The following ACYP2 variants were observed in gnomAD, a reference collection of about 807,000 sequenced individuals.
ACYP2 encodes the protein acylphosphatase-2.
A neutral mutation model predicts 11.2 loss-of-function variants in ACYP2; 12 were observed. The ratio of observed to expected loss-of-function variants is 1.08; its 90% CI spans 0.69 to 1.74. The LOEUF (loss-of-function observed/expected upper bound fraction) is 1.74, where lower values mean the gene tolerates loss of function less well. ACYP2 is among the 40% of genes most tolerant of loss of function. The probability of loss-of-function intolerance (pLI) is 0.00; values close to 1 mark genes in which losing one functional copy is unlikely to be tolerated. For missense variants in ACYP2, 134 were observed against 101.9 expected, an observed-to-expected ratio of 1.31 and a Z score of -1.35; for synonymous variants, 43 against 32.2, an observed-to-expected ratio of 1.33 and a Z score of -1.13.
At chr2:54,208,097 C>A (rs1434244858) in intron 6 of ACYP2, among the ~76,000 whole-genome samples, 1 of 152,034 alleles carries the variant, frequency 6.6e-6, no homozygotes, top group African/African-American at 2.4e-5. Context: ...GTTCATCTGA[C>A]CCTCAAGATC....
rs369464268 is a variant in ACYP2, at chr2:54,158,784, G to C, written c.404+20036G>C. 4.1e-4 allele frequency among the ~76,000 whole-genome samples: 63 copies of C among 152,214 alleles called. No individual in the cohort carries two copies. In the East Asian group the frequency reaches 4.4e-3, roughly 11 times the overall value. ...TTTGCTCTCTTCTGTGCTTTTGTAAGTAAAAAAATTGTATTGATTTAAGTA... is the reference window on the plus strand; with the variant it reads ...TTTGCTCTCTTCTGTGCTTTTGTAACTAAAAAAATTGTATTGATTTAAGTA... On this transcript the variant is annotated intron_variant, in intron 6 of 6. Coordinates refer to ENST00000607452, the MANE Select transcript of ACYP2 (RefSeq NM_001320586.2).
At chr2:54,158,182 C>T (rs146018239) in intron 6 of ACYP2, among the ~76,000 whole-genome samples, 130 of 147,774 alleles carry the variant, frequency 8.8e-4, no homozygotes, top group African/African-American at 2.9e-3. Context: ...CCCACCACCA[C>T]GCCCAGTTAA....
At chr2:54,131,394 GTTGAAAGGA>G (rs2103766326) in intron 4 of ACYP2, among the ~76,000 whole-genome samples, 1 of 152,314 alleles carries the variant, frequency 6.6e-6, no homozygotes, top group African/African-American at 2.4e-5. Context: ...ATTCGTAAAT[GTTGAAAGGA>G]CGTTGCTCTT....
At chr2:54,038,712 T>TATAC (rs1675048914) in intron 2 of ACYP2, among the ~76,000 whole-genome samples, 1 of 105,982 alleles carries the variant, frequency 9.4e-6, no homozygotes, top group African/African-American at 3.5e-5. Flanking sequence ...TATATATATA[T>TATAC]ACTCTTCTAA....
chr2:54,209,229 G>A (rs1405724094), intron 6 of ACYP2, among the ~76,000 whole-genome samples: 1 of 152,046 alleles, frequency 6.6e-6, no homozygotes, highest in Non-Finnish European at 1.5e-5. Flanking sequence ...GCTGTTTAAT[G>A]TACTGCTTAT....
intron 2 of ACYP2, among the ~76,000 whole-genome samples, chr2:53,988,243 A>T (rs894316851): frequency 6.6e-6 from 1 of 152,084 alleles, no homozygotes; most frequent in Admixed American, 6.6e-5. Flanking sequence ...CACTTTGCCT[A>T]GTCCTAGATT....
At chr2:54,118,417 T>C (rs1003310411) in intron 4 of ACYP2, among the ~76,000 whole-genome samples, 2 of 152,244 alleles carry the variant, frequency 1.3e-5, no homozygotes, top group Non-Finnish European at 2.9e-5. Flanking sequence ...CATTTCACTG[T>C]TGTTTACTTA....
At chr2:53,988,257 A>G (rs533599275) in intron 2 of ACYP2, among the ~76,000 whole-genome samples, 2 of 152,208 alleles carry the variant, frequency 1.3e-5, no homozygotes, top group South Asian at 4.1e-4. Context: ...CTAGATTCCA[A>G]AGTTCTTTTT....
At chr2:54,204,246 C>T (rs1370568871) in intron 6 of ACYP2, among the ~76,000 whole-genome samples, 1 of 152,070 alleles carries the variant, frequency 6.6e-6, no homozygotes, top group East Asian at 1.9e-4. Flanking sequence ...TTCCGCCCAC[C>T]TCGGCCAAAG....
At chr2:54,166,208 G>C (rs1056126726) in intron 6 of ACYP2, among the ~76,000 whole-genome samples, 1 of 152,186 alleles carries the variant, frequency 6.6e-6, no homozygotes, top group Non-Finnish European at 1.5e-5. Flanking sequence ...GGGCCATGTA[G>C]TCTTTGATAC....
At chr2:54,201,670 CTT>C (rs1463060609) in intron 6 of ACYP2, among the ~76,000 whole-genome samples, 13 of 103,666 alleles carry the variant, frequency 1.3e-4, no homozygotes, top group Non-Finnish European at 1.6e-4. Context: ...TTCTTTCTTT[CTT>C]TCTTTCTTTC....
At chr2:54,141,751 T>C (rs919151479) in intron 6 of ACYP2, 30 of 438,498 alleles carry the variant, frequency 6.8e-5, no homozygotes, top group African/African-American at 9.7e-5. Context: ...AAGATACTTT[T>C]ACCTATTTAA....
rs535688805 is a variant in ACYP2 at position 54,046,734 on chromosome 2, C to T, written c.63-4224C>T. 5.3e-5 allele frequency among the ~76,000 whole-genome samples: 8 copies of T among 152,268 alleles called. No homozygotes were observed. The South Asian group carries it at 1.2e-3, about 24-fold the overall frequency. Reference sequence around the variant, plus strand: ...AGGGCCCTGTGCTTAGAAGGGCTTGCACCCGTTGGTTCAATGCCTCACTAT... The same window carrying T: ...AGGGCCCTGTGCTTAGAAGGGCTTGTACCCGTTGGTTCAATGCCTCACTAT... On this transcript the variant is annotated intron_variant, in intron 2 of 6. Transcript: ENST00000607452.
At chr2:54,209,404 A>G (rs374359624) in intron 6 of ACYP2, among the ~76,000 whole-genome samples, 3 of 152,288 alleles carry the variant, frequency 2.0e-5, no homozygotes, top group African/African-American at 7.2e-5. Context: ...TCCTCCAGGT[A>G]AGTCTCCAAG....
At chr2:54,225,290 G>A (rs1393035822) in intron 6 of ACYP2, among the ~76,000 whole-genome samples, 2 of 152,132 alleles carry the variant, frequency 1.3e-5, no homozygotes, top group African/African-American at 4.8e-5. Flanking sequence ...CAGAAAAGGA[G>A]CTGGTTATTG....
At chr2:54,193,244 T>C (rs904290118) in intron 6 of ACYP2, among the ~76,000 whole-genome samples, 4 of 152,234 alleles carry the variant, frequency 2.6e-5, no homozygotes, top group Non-Finnish European at 5.9e-5. Flanking sequence ...TTTGTTCTAA[T>C]AACAGAAGAA....
At position 54,092,309 on chromosome 2, in the gene ACYP2, A is replaced by G. The variant is rs573306888; in HGVS notation, c.277+34949A>G. On this transcript the variant is annotated intron_variant, in intron 4 of 6. Transcript: ENST00000607452. Reference sequence around the variant, plus strand: ...ATTTCAGCAGGAAAAATGGATCCTGATAATCAGGAGAAGTTGGGATTTCTG... The same window carrying G: ...ATTTCAGCAGGAAAAATGGATCCTGGTAATCAGGAGAAGTTGGGATTTCTG... Among the ~76,000 whole-genome samples, 15 of 152,324 alleles carry G rather than the reference A, an allele frequency of 9.8e-5. No individual in the cohort carries two copies. In the East Asian group the frequency reaches 2.7e-3, roughly 27 times the overall value.
chr2:54,074,775 T>C (rs773335571), intron 4 of ACYP2, among the ~76,000 whole-genome samples: 2 of 152,170 alleles, frequency 1.3e-5, no homozygotes, highest in Admixed American at 6.5e-5. Flanking sequence ...GATGCAGGGA[T>C]GAGTCAATGT....
intron 4 of ACYP2, among the ~76,000 whole-genome samples, chr2:54,064,809 A>C (rs1350850653): frequency 6.6e-6 from 1 of 152,160 alleles, no homozygotes; most frequent in Non-Finnish European, 1.5e-5. Flanking sequence ...GGGGACCGCC[A>C]GCACGGTGGC....
Sources: allele counts gnomAD v4.1 joint callset (sites outside exome capture counted in the v4.1 genomes callset), GRCh38; gene constraint gnomAD v4.1.1; transcripts MANE v1.5; gene names NCBI Gene and HGNC (gene_info 2026-07-23, HGNC 2026-07-21).